The following HCN4 variants were observed in gnomAD, a reference collection of about 807,000 sequenced individuals.
The protein encoded by HCN4 is potassium/sodium hyperpolarization-activated cyclic nucleotide-gated channel 4.
A neutral mutation model predicts 76.9 loss-of-function variants in HCN4; 29 were observed. The observed-to-expected ratio is 0.38, with a 90% confidence interval of 0.28 to 0.51. HCN4 has a LOEUF of 0.51. Among genes scored for constraint, HCN4 ranks in the 20% least tolerant of loss-of-function variants. The pLI is 0.90. For synonymous variants in HCN4, 772 were observed against 762.5 expected, an observed-to-expected ratio of 1.01 and a Z score of -0.21; for missense variants, 1,416 against 1,715.2, an observed-to-expected ratio of 0.83 and a Z score of 3.08.
chr15:73,359,066 C>A (rs1285714046), intron 1 of HCN4, among the ~76,000 whole-genome samples: 1 of 152,220 alleles, frequency 6.6e-6, no homozygotes. Flanking sequence ...GCCTCGTTCA[C>A]GCAGACATAA....
Position 73,337,316 on chromosome 15 carries a change from C to T in HCN4, c.1210-5024G>A, listed in dbSNP as rs138553211. ...CCTCTCTACTTCTCACTTCTGTGTT[C>T]CTCCATGCTTAGCACAAGCAGGCAT... On this transcript the variant is annotated intron_variant, in intron 2 of 7. Transcript: ENST00000261917. Among the ~76,000 whole-genome samples, 18 of 152,312 alleles carry T rather than the reference C, an allele frequency of 1.2e-4. No homozygotes were observed. In the East Asian group the frequency reaches 3.1e-3, roughly 26 times the overall value.
chr15:73,323,054 C>A lies in HCN4; in HGVS notation c.3039G>T (p.Gly1013=). 1 of 1,531,702 alleles carries A rather than the reference C, an allele frequency of 6.5e-7. No individual in the cohort carries two copies. The allele number at this position is 1,531,702 out of a possible 1,614,324, so 94.9% of individuals were successfully genotyped here. ...GGGGAGTAAAGCCTACAGGGGAAGC[C>A]CCCCCAGAGGCCCCTGCCACAAGGG... ...PPSLVAGASG[G]ASPVGFTPRG... is the part of the protein sequence containing the mutation. Residue 1013 remains glycine (G), a synonymous_variant, in exon 8 of 8, where the codon GGG becomes GGT. Transcript: ENST00000261917.
At chr15:73,339,455 C>T (rs1298840981) in intron 2 of HCN4, among the ~76,000 whole-genome samples, 1 of 152,222 alleles carries the variant, frequency 6.6e-6, no homozygotes. Flanking sequence ...AAGCTTTCCC[C>T]AGTCTGTGGG....
intron 1 of HCN4, among the ~76,000 whole-genome samples, chr15:73,350,511 T>C (rs1244303092): frequency 6.6e-6 from 1 of 152,154 alleles, no homozygotes; most frequent in South Asian, 2.1e-4. Flanking sequence ...CCATTCCCCA[T>C]AGCTGCTATT....
At chr15:73,349,552 G>A (rs1183202672) in intron 1 of HCN4, among the ~76,000 whole-genome samples, 1 of 151,948 alleles carries the variant, frequency 6.6e-6, no homozygotes, top group Non-Finnish European at 1.5e-5. Context: ...CCCAAACTCT[G>A]TCCCTCCCCA....
rs1330528056 is a variant in HCN4, at chr15:73,368,134, C to G, written c.137G>C (p.Arg46Thr). Reference sequence around the variant, plus strand: ...GGGCAGTGGCCGCAGCCGGATGCTCCTGCGGCTGGGGTCTTGGCGGCCCCC... The same window carrying G: ...GGGCAGTGGCCGCAGCCGGATGCTCGTGCGGCTGGGGTCTTGGCGGCCCCC... Reference protein sequence around the residue: ...GAGGRQDPSRRSIRLRPLPSP... With the variant: ...GAGGRQDPSRTSIRLRPLPSP... The change falls in exon 1 of 8, where the codon AGG becomes ACG. Residue 46 changes from arginine (R) to threonine (T), a missense_variant. By Grantham distance (71) the Arg-to-Thr change is moderately conservative. Coordinates refer to ENST00000261917, the MANE Select transcript of HCN4 (RefSeq NM_005477.3). The surrounding 1 kb of genome is among the most constrained non-coding windows in gnomAD (Gnocchi z 6.9). The G allele has an allele frequency of 6.6e-7, 1 of 1,515,708 alleles. No individual in the cohort carries two copies. Among genetic ancestry groups the G allele is most frequent in the African/African-American group, 1.4e-5 (1 of 69,384 alleles). The allele number at this position is 1,515,708 out of a possible 1,614,324, so 93.9% of individuals were successfully genotyped here.
In HCN4 at chr15:73,368,366, C is replaced by G; in HGVS notation, c.-96G>C. The G allele has an allele frequency of 1.1e-6, 1 of 890,920 alleles. No individual in the cohort carries two copies. The highest frequency in any genetic ancestry group is 1.5e-6 in the Non-Finnish European group (1 of 661,788). 55.2% of individuals were successfully genotyped at this position (890,920 alleles called of 1,614,324 possible). ...CCGCCGGTCAGTCCGCCCGTGGGGA[C>G]GCGTCCTTTGCCGCCGGCGTGGGGG... On this transcript the variant is annotated 5_prime_UTR_variant, in exon 1 of 8. Coordinates refer to ENST00000261917, the MANE Select transcript of HCN4 (RefSeq NM_005477.3). The surrounding 1 kb of genome is among the most constrained non-coding windows in gnomAD (Gnocchi z 6.9).
chr15:73,338,137 C>T (rs1376110456), intron 2 of HCN4, among the ~76,000 whole-genome samples: 3 of 152,290 alleles, frequency 2.0e-5, no homozygotes, highest in South Asian at 2.1e-4. Flanking sequence ...AAGTGGTTGC[C>T]GAGAACAAGG....
intron 2 of HCN4, among the ~76,000 whole-genome samples, chr15:73,339,756 C>T (rs1238742092): frequency 6.6e-6 from 1 of 152,292 alleles, no homozygotes; most frequent in East Asian, 1.9e-4. Flanking sequence ...TCCAAAGGGT[C>T]TTTCTGCTGC....
intron 1 of HCN4, among the ~76,000 whole-genome samples, chr15:73,355,701 C>T (rs1474940661): frequency 6.6e-6 from 1 of 152,192 alleles, no homozygotes; most frequent in African/African-American, 2.4e-5. Flanking sequence ...TGGGCTAATT[C>T]CTCCTCTGCA....
chr15:73,332,260 G>A lies in HCN4; in HGVS notation c.1242C>T (p.Ala414=), dbSNP rs376218786. 1.9e-5 allele frequency: 31 copies of A among 1,614,114 alleles called. No homozygotes were observed. The highest frequency in any genetic ancestry group is 4.5e-5 in the East Asian group (2 of 44,890). Residue 414 remains alanine (A), a synonymous_variant, in exon 3 of 8, where the codon GCC becomes GCT. Coordinates refer to ENST00000261917, the MANE Select transcript of HCN4 (RefSeq NM_005477.3). ...IFHMTYDLAS[A]VVRIVNLIGM... Reference sequence around the variant, plus strand: ...CGATGAGGTTCACGATGCGCACCACGGCGCTGGCCAGGTCGTAGGTCATGT... The same window carrying A: ...CGATGAGGTTCACGATGCGCACCACAGCGCTGGCCAGGTCGTAGGTCATGT...
intron 1 of HCN4, among the ~76,000 whole-genome samples, chr15:73,364,161 A>G (rs1173274947): frequency 6.6e-6 from 1 of 152,106 alleles, no homozygotes; most frequent in Non-Finnish European, 1.5e-5. Flanking sequence ...GGGGATGAGA[A>G]AGGCCAAGCT....
intron 3 of HCN4, among the ~76,000 whole-genome samples, chr15:73,331,281 G>T (rs1332996946): frequency 2.0e-5 from 3 of 152,136 alleles, no homozygotes; most frequent in Non-Finnish European, 2.9e-5. Flanking sequence ...GGAGGGATAG[G>T]GTGGGGTCAG....
chr15:73,345,526 A>T (rs1656759936), intron 1 of HCN4, among the ~76,000 whole-genome samples: 1 of 152,136 alleles, frequency 6.6e-6, no homozygotes, highest in Non-Finnish European at 1.5e-5. Context: ...TACTACAAAG[A>T]ATGCAGCACA....
intron 1 of HCN4, among the ~76,000 whole-genome samples, chr15:73,358,723 C>G (rs1370619142): frequency 6.6e-6 from 1 of 152,180 alleles, no homozygotes; most frequent in Non-Finnish European, 1.5e-5. Flanking sequence ...CAGCACCTGC[C>G]AACACCCACC....
In HCN4 at chr15:73,343,365, G is replaced by A. The variant is rs775158394; in HGVS notation, c.1209+20C>T. 5 of 1,612,832 alleles carry A rather than the reference G, an allele frequency of 3.1e-6. No individual in the cohort carries two copies. The Admixed American group carries it at 5.0e-5, about 16-fold the overall frequency. ...GTGGGGAGTGGCCTTTCCCCCAAGA[G>A]GTTTGCACTGACCACTTACCTCTTC... is the stretch of plus-strand genomic sequence containing the variant. On this transcript the variant is annotated intron_variant, in intron 2 of 7. Transcript: ENST00000261917. The surrounding 1 kb of genome is among the most constrained non-coding windows in gnomAD (Gnocchi z 5.7).
rs2043137392 is a variant in HCN4, at chr15:73,368,010, G to A, written c.261C>T (p.Ser87=). The A allele has an allele frequency of 3.5e-6, 5 of 1,416,262 alleles. No individual in the cohort carries two copies. The African/African-American group carries it at 6.0e-5, about 17-fold the overall frequency. The allele number at this position is 1,416,262 out of a possible 1,614,324, so 87.7% of individuals were successfully genotyped here. Residue 87 remains serine (S), a synonymous_variant, in exon 1 of 8, where the codon TCC becomes TCT. Coordinates refer to ENST00000261917, the MANE Select transcript of HCN4 (RefSeq NM_005477.3). This position sits in a 1 kb window ranked among gnomAD's most constrained non-coding sequence, Gnocchi z 6.9. The stretch of plus-strand genomic sequence containing the variant: ...AGCGCCTGCAGTCGCCGTTCGTGCT[G>A]GACTTGCCCGCGCCGCGGGCCGGCC... The part of the protein sequence containing the change: ...SEGPARGAGK[S]STNGDCRRFR...
intron 4 of HCN4, among the ~76,000 whole-genome samples, chr15:73,326,650 T>C (rs2042901180): frequency 1.3e-5 from 2 of 152,204 alleles, no homozygotes; most frequent in African/African-American, 4.8e-5. Flanking sequence ...GAGAAATTTA[T>C]TGGGCAGACT....
chr15:73,329,237 C>A (rs1467917170), intron 4 of HCN4, among the ~76,000 whole-genome samples: 1 of 152,164 alleles, frequency 6.6e-6, no homozygotes, highest in African/African-American at 2.4e-5. Flanking sequence ...TCCTGGAGAA[C>A]GAGTGAGCAG....
Sources: allele counts gnomAD v4.1 joint callset (sites outside exome capture counted in the v4.1 genomes callset), GRCh38; gene constraint gnomAD v4.1.1; non-coding constraint Gnocchi (gnomAD v3.1); transcripts MANE v1.5; gene names NCBI Gene and HGNC (gene_info 2026-07-23, HGNC 2026-07-21).